Variants in IQGAP2 observed in about 807,000 individuals in gnomAD.
The protein encoded by IQGAP2 is ras GTPase-activating-like protein IQGAP2.
In IQGAP2, 173 loss-of-function variants were observed where a neutral mutation model predicts 201.3. That is an observed-to-expected ratio of 0.86 (90% CI 0.76 to 0.98). The LOEUF is 0.98. IQGAP2 is among the 50% of genes least tolerant of loss of function. The pLI is 0.00. For synonymous variants in IQGAP2, 675 were observed against 673.9 expected, an observed-to-expected ratio of 1.00 and a Z score of -0.03; for missense variants, 1,687 against 1,864.8, an observed-to-expected ratio of 0.90 and a Z score of 1.76.
intron 2 of IQGAP2, among the ~76,000 whole-genome samples, chr5:76,490,732 G>T (rs891144831): frequency 6.6e-6 from 1 of 152,014 alleles, no homozygotes; most frequent in African/African-American, 2.4e-5. Flanking sequence ...AAATTTTTCA[G>T]CTGGATACCA....
chr5:76,623,497 C>T (rs1014542547), intron 13 of IQGAP2: 16 of 461,950 alleles, frequency 3.5e-5, no homozygotes, highest in Non-Finnish European at 4.6e-5. Context: ...AACTCTTACC[C>T]ACCCCCAACA....
chr5:76,406,463 A>G (rs1283359104), intron 1 of IQGAP2, among the ~76,000 whole-genome samples: 2 of 152,260 alleles, frequency 1.3e-5, no homozygotes, highest in Non-Finnish European at 2.9e-5. Flanking sequence ...GAAGGAAGTG[A>G]TAGTAGGTAG....
intron 27 of IQGAP2, among the ~76,000 whole-genome samples, chr5:76,675,677 A>T (rs538626735): frequency 6.6e-5 from 10 of 152,262 alleles, no homozygotes; most frequent in Admixed American, 2.6e-4. Flanking sequence ...GCCTCTTTTA[A>T]TCCTCACTTG....
intron 2 of IQGAP2, among the ~76,000 whole-genome samples, chr5:76,486,242 T>A (rs1239052586): frequency 6.6e-6 from 1 of 152,228 alleles, no homozygotes; most frequent in Admixed American, 6.5e-5. Context: ...TTGAAAAGCT[T>A]ATCATGGGAA....
intron 5 of IQGAP2, among the ~76,000 whole-genome samples, chr5:76,584,499 T>G (rs2840106): frequency 0.54 from 82,105 of 151,804 alleles, 22,763 homozygotes; most frequent in East Asian, 0.76. Flanking sequence ...GTCGTGAGGT[T>G]TGCTCCAAGC....
In IQGAP2 at chr5:76,611,159, C is replaced by T; in HGVS notation, c.1497C>T (p.Tyr499=). ...AHAQHYQDVL[Y]HAKSQKLGDS... ...CCCAGCACTACCAGGATGTTTTATACCATGCTAAATCACAGAAACTCGGAG... is the reference window on the plus strand; with the variant it reads ...CCCAGCACTACCAGGATGTTTTATATCATGCTAAATCACAGAAACTCGGAG... Residue 499 remains tyrosine, a synonymous_variant, in exon 13 of 36, where the codon TAC becomes TAT. Coordinates refer to ENST00000274364, the MANE Select transcript of IQGAP2 (RefSeq NM_006633.5). The T allele has an allele frequency of 6.2e-7, 1 of 1,612,046 alleles. No individual in the cohort carries two copies. Among genetic ancestry groups the T allele is most frequent in the Non-Finnish European group, 8.5e-7 (1 of 1,179,408 alleles).
At chr5:76,552,201 G>T (rs903006615) in intron 2 of IQGAP2, among the ~76,000 whole-genome samples, 1 of 152,168 alleles carries the variant, frequency 6.6e-6, no homozygotes, top group African/African-American at 2.4e-5. Flanking sequence ...GTTGTGTCCT[G>T]TCTCTGTCCC....
At chr5:76,544,250 A>G (rs1742960122) in intron 2 of IQGAP2, among the ~76,000 whole-genome samples, 1 of 152,172 alleles carries the variant, frequency 6.6e-6, no homozygotes. Context: ...ACAATTTTTA[A>G]CATGCCTTCT....
At chr5:76,589,175 G>A (rs1421272055) in intron 6 of IQGAP2, among the ~76,000 whole-genome samples, 2 of 152,012 alleles carry the variant, frequency 1.3e-5, no homozygotes, top group Non-Finnish European at 2.9e-5. Flanking sequence ...AGCCGGGCGT[G>A]GTGGGGGGCT....
chr5:76,656,382 C>T (rs1390576476), intron 20 of IQGAP2, among the ~76,000 whole-genome samples: 1 of 152,056 alleles, frequency 6.6e-6, no homozygotes, highest in Non-Finnish European at 1.5e-5. Flanking sequence ...GGGGTTTCAC[C>T]GTGTTAGCCA....
chr5:76,468,256 A>T (rs1364512721), intron 2 of IQGAP2, among the ~76,000 whole-genome samples: 2 of 152,194 alleles, frequency 1.3e-5, no homozygotes, highest in African/African-American at 4.8e-5. Flanking sequence ...GAGATATCTA[A>T]ATACTGTGTT....
chr5:76,580,493 G>T (rs1745772891), intron 5 of IQGAP2, among the ~76,000 whole-genome samples: 1 of 152,076 alleles, frequency 6.6e-6, no homozygotes, highest in South Asian at 2.1e-4. Flanking sequence ...AAGAAACAAA[G>T]TACTTGTGTT....
At chr5:76,694,945 G>A (rs563097461) in intron 31 of IQGAP2, among the ~76,000 whole-genome samples, 1 of 152,304 alleles carries the variant, frequency 6.6e-6, no homozygotes, top group East Asian at 1.9e-4. Context: ...AACTTTGCAA[G>A]TTTTTCAGAG....
chr5:76,579,493 G>C (rs1287404530), intron 5 of IQGAP2, among the ~76,000 whole-genome samples: 1 of 150,684 alleles, frequency 6.6e-6, no homozygotes, highest in African/African-American at 2.4e-5. Flanking sequence ...TTTCAGGTAG[G>C]TCTTTATTTA....
chr5:76,689,230 T>TAAAAAAAAAAAAAAAAAA (rs11424254), intron 30 of IQGAP2, among the ~76,000 whole-genome samples: 3 of 86,490 alleles, frequency 3.5e-5, no homozygotes, highest in African/African-American at 1.4e-4. Flanking sequence ...CAGGGATATT[T>TAAAAAAAAAAAAAAAAAA]AAAAAAAAAA....
rs143998388 is a variant in IQGAP2 at position 76,686,334 on chromosome 5, GTT to G, written c.3905+2424_3905+2425del. Among the ~76,000 whole-genome samples, 395 of 129,532 alleles carry G rather than the reference GTT, an allele frequency of 3.0e-3. 3 individuals carry two copies. The highest frequency in any genetic ancestry group is 7.3e-3 in the African/African-American group (232 of 31,754). 85.0% of individuals were successfully genotyped at this position (129,532 alleles called of 152,430 possible). On this transcript the variant is annotated intron_variant, in intron 30 of 35. Coordinates refer to ENST00000274364, the MANE Select transcript of IQGAP2 (RefSeq NM_006633.5). ...TATTTTGATGAAGTCCAGTTTATCT[GTT>G]TTTTTTGTTGTTGTTGTTGTTGTTG...
At chr5:76,657,658 A>T (rs1332549591) in intron 20 of IQGAP2, among the ~76,000 whole-genome samples, 1 of 152,222 alleles carries the variant, frequency 6.6e-6, no homozygotes, top group African/African-American at 2.4e-5. Context: ...CAGACAATTT[A>T]TTCTTACAGT....
rs886312710 is a variant in IQGAP2 at position 76,422,492 on chromosome 5, T to C, written c.46+18901T>C. Among the ~76,000 whole-genome samples the C allele has an allele frequency of 1.1e-4, 17 of 152,368 alleles. 1 individual carries two copies. The highest frequency in any genetic ancestry group is 1.9e-4 in the East Asian group (1 of 5,188). On this transcript the variant is annotated intron_variant, in intron 1 of 35. Coordinates refer to ENST00000274364, the MANE Select transcript of IQGAP2 (RefSeq NM_006633.5). ...AACTCCATGCAACCAAGTGGTTGTCTCATAATGATTAGTTTGGAGCTTGTG... is the reference window on the plus strand; with the variant it reads ...AACTCCATGCAACCAAGTGGTTGTCCCATAATGATTAGTTTGGAGCTTGTG...
intron 6 of IQGAP2, 23 bp downstream of exon 6, chr5:76,588,996 T>G (rs747150538): frequency 6.6e-7 from 1 of 1,519,496 alleles, no homozygotes; most frequent in East Asian, 2.3e-5. Context: ...ATCTTTGTAA[T>G]TTTTTACAAT....
Sources: gnomAD v4.1 joint callset for allele counts (sites outside exome capture counted in the v4.1 genomes callset) on GRCh38, gnomAD v4.1.1 for gene constraint, MANE v1.5 for transcripts, NCBI Gene and HGNC (gene_info 2026-07-23, HGNC 2026-07-21) for gene names.